The following MSH6 variants were observed in gnomAD, a reference collection of about 807,000 sequenced individuals.
MSH6 encodes the protein DNA mismatch repair protein Msh6.
MSH6 carries 85 observed loss-of-function variants against 119.1 expected under a neutral mutation model. The ratio of observed to expected loss-of-function variants is 0.71; its 90% CI spans 0.60 to 0.85. The LOEUF is 0.85. Among genes scored for constraint, MSH6 ranks in the 40% least tolerant of loss-of-function variants. MSH6 has a pLI of 0.00. For missense variants in MSH6, 2,163 were observed against 1,655.3 expected (o/e 1.31, Z -5.32); for synonymous variants, 830 against 586.9 (o/e 1.41, Z -5.99).
chr2:47,797,302 TAGATA>T (rs1669159767), intron 3 of MSH6, among the ~76,000 whole-genome samples: 1 of 152,308 alleles, frequency 6.6e-6, no homozygotes, highest in Non-Finnish European at 1.5e-5. Flanking sequence ...CCTTTTTCAA[TAGATA>T]AGATAGGGAA....
intron 3 of MSH6, among the ~76,000 whole-genome samples, chr2:47,797,151 T>C (rs1478408718): frequency 6.6e-6 from 1 of 152,190 alleles, no homozygotes; most frequent in Non-Finnish European, 1.5e-5. Context: ...TTAGCATTAG[T>C]GTATTTTATG....
rs750404946 is a variant in MSH6, at chr2:47,800,721, A to G, written c.2738A>G (p.Asp913Gly). 2 of 1,614,170 alleles carry G rather than the reference A, an allele frequency of 1.2e-6. No individual in the cohort carries two copies. Among genetic ancestry groups the G allele is most frequent in the Non-Finnish European group, 1.7e-6 (2 of 1,180,026 alleles). Residue 913 changes from aspartate to glycine, a missense_variant, in exon 4 of 10, where the codon GAT (aspartate) becomes GGT (glycine). Asp to Gly is a moderately conservative substitution (Grantham distance 94). Coordinates refer to ENST00000234420, the MANE Select transcript of MSH6 (RefSeq NM_000179.3). ...PDLTVELNRWDTAFDHEKARK... is the reference protein window; with the variant it reads ...PDLTVELNRWGTAFDHEKARK... ...TTGACTGTAGAATTGAACCGATGGG[A>G]TACAGCCTTTGACCATGAAAAGGCT...
chr2:47,807,489 T>G (rs1670301994), downstream of MSH6: 1 of 207,356 alleles, frequency 4.8e-6, no homozygotes, highest in Non-Finnish European at 9.9e-6. Flanking sequence ...AATTTAAGAT[T>G]AGTGTTTTCT....
rs61753793 is a variant in MSH6 at position 47,799,002 on chromosome 2, T to C, written c.1019T>C (p.Phe340Ser). The change falls in exon 4 of 10, where the codon TTC becomes TCC. Residue 340 changes from phenylalanine (F) to serine (S), a missense_variant. By Grantham distance (155) the Phe-to-Ser change is radical. Transcript: ENST00000234420. ...SSETKNTLRAFSAPQNSESQA... is the reference protein window; with the variant it reads ...SSETKNTLRASSAPQNSESQA... Reference sequence around the variant, plus strand: ...GAAACCAAGAATACTTTGAGAGCTTTCTCTGCCCCTCAAAATTCTGAATCC... The same window carrying C: ...GAAACCAAGAATACTTTGAGAGCTTCCTCTGCCCCTCAAAATTCTGAATCC... 147 of 1,614,104 alleles carry C rather than the reference T, an allele frequency of 9.1e-5. No homozygotes were observed. Among genetic ancestry groups the C allele is most frequent in the Non-Finnish European group, 1.1e-4 (135 of 1,180,046 alleles).
At chr2:47,791,457 G>C (rs1039458952) in intron 2 of MSH6, among the ~76,000 whole-genome samples, 3 of 152,088 alleles carry the variant, frequency 2.0e-5, no homozygotes, top group Admixed American at 6.6e-5. Flanking sequence ...CCTATAGATA[G>C]CGACATTCTC....
intron 5 of MSH6, among the ~76,000 whole-genome samples, chr2:47,804,550 AG>A (rs796853432): frequency 0.095 from 2,633 of 27,578 alleles, 40 homozygotes; most frequent in African/African-American, 0.34. Flanking sequence ...AAAAAAAAAA[AG>A]GTGCAGAGAT....
At chr2:47,803,362 C>G (rs1669724627) in intron 4 of MSH6, 58 bp from the exon 5 acceptor site, 1 of 1,610,796 alleles carries the variant, frequency 6.2e-7, no homozygotes, top group Non-Finnish European at 8.5e-7. Flanking sequence ...CTATAAAACA[C>G]TTAGGCTGAT....
chr2:47,806,964 ATTTTCTTTCTAGGAAAT>A, downstream of MSH6: 1 of 915,124 alleles, frequency 1.1e-6, no homozygotes, highest in Non-Finnish European at 1.7e-6. Context: ...CCATTTTTCC[ATTTTCTTTCTAGGAAAT>A]TAAACCCTTT....
chr2:47,803,342 T>C, intron 4 of MSH6, 78 bp from the exon 5 acceptor site: 7 of 1,576,194 alleles, frequency 4.4e-6, no homozygotes, highest in Non-Finnish European at 6.1e-6. Context: ...ATGTGTTATA[T>C]AAAGAAGACC....
chr2:47,808,094 G>C, downstream of MSH6: 1 of 1,585,990 alleles, frequency 6.3e-7, no homozygotes, highest in Non-Finnish European at 8.6e-7. Flanking sequence ...TACAATGGCA[G>C]GACTTTTTCT....
rs761622304 is a variant in MSH6 at position 47,800,715 on chromosome 2, G to T, written c.2732G>T (p.Arg911Leu). The T allele has an allele frequency of 6.2e-7, 1 of 1,614,144 alleles. No individual in the cohort carries two copies. Among genetic ancestry groups the T allele is most frequent in the South Asian group, 1.1e-5 (1 of 91,076 alleles). Residue 911 changes from arginine to leucine, a missense_variant, in exon 4 of 10, where the codon CGA (arginine) becomes CTA (leucine). Physicochemically the swap from Arg to Leu is moderately radical, Grantham distance 102. Coordinates refer to ENST00000234420, the MANE Select transcript of MSH6 (RefSeq NM_000179.3). ...CCTGATTTGACTGTAGAATTGAACC[G>T]ATGGGATACAGCCTTTGACCATGAA... Reference protein sequence around the residue: ...RFPDLTVELNRWDTAFDHEKA... With the variant: ...RFPDLTVELNLWDTAFDHEKA...
At chr2:47,784,195 G>A in intron 1 of MSH6, 1 of 1,005,282 alleles carries the variant, frequency 9.9e-7, no homozygotes, top group Non-Finnish European at 1.2e-6. Context: ...GGGCGGGGCG[G>A]GGCCGTGGGG....
chr2:47,794,293 A>G (rs1169350441), intron 2 of MSH6, among the ~76,000 whole-genome samples: 1 of 151,764 alleles, frequency 6.6e-6, no homozygotes, highest in East Asian at 2.0e-4. Flanking sequence ...TTTTTTTGAG[A>G]TGGAGACCCA....
chr2:47,804,290 T>A (rs183092415), intron 5 of MSH6, among the ~76,000 whole-genome samples: 234 of 152,242 alleles, frequency 1.5e-3, no homozygotes, highest in South Asian at 5.0e-3. Flanking sequence ...TTTAAAAAAA[T>A]TTTTTATGGC....
downstream of MSH6, chr2:47,808,254 C>G (rs1190466578): frequency 6.2e-7 from 1 of 1,612,588 alleles, no homozygotes. Flanking sequence ...AAACCTAAAG[C>G]AAAATGAAAC....
At position 47,796,091 on chromosome 2, in the gene MSH6, A is replaced by T. The variant is rs558111682; in HGVS notation, c.627+28A>T. On this transcript the variant is annotated intron_variant, in intron 3 of 9. Coordinates refer to ENST00000234420, the MANE Select transcript of MSH6 (RefSeq NM_000179.3). The stretch of plus-strand genomic sequence containing the variant: ...GGGACACGGCAAGCATTCAGTTGTT[A>T]TTTATGTTAGGGTGATGGGGGAAGA... 1.1e-5 allele frequency: 18 copies of T among 1,612,768 alleles called. No homozygotes were observed. In the Admixed American group the frequency reaches 1.3e-4, roughly 12 times the overall value.
intron 5 of MSH6, among the ~76,000 whole-genome samples, chr2:47,804,300 C>T (rs1242725769): frequency 6.6e-6 from 1 of 152,058 alleles, no homozygotes; most frequent in Non-Finnish European, 1.5e-5. Context: ...TTTTTTATGG[C>T]ATTGTATTTA....
chr2:47,806,660 C>G lies in MSH6; in HGVS notation c.4001+9C>G, dbSNP rs1467103778. 6.2e-7 allele frequency: 1 copy of G among 1,603,570 alleles called. No homozygotes were observed. The highest frequency in any genetic ancestry group is 8.5e-7 in the Non-Finnish European group (1 of 1,175,706). On this transcript the variant is annotated intron_variant, in intron 9 of 9. Coordinates refer to ENST00000234420, the MANE Select transcript of MSH6 (RefSeq NM_000179.3). ...TCACTACGATTATTTCGGTAACTAACTAACTATAATGGAATTATAACTAAC... is the reference window on the plus strand; with the variant it reads ...TCACTACGATTATTTCGGTAACTAAGTAACTATAATGGAATTATAACTAAC...
chr2:47,809,578 G>C, downstream of MSH6: 2 of 1,507,906 alleles, frequency 1.3e-6, no homozygotes, highest in South Asian at 1.1e-5. Context: ...TATATTTATA[G>C]GTATAGCAGA....
Sources: gnomAD v4.1 joint callset for allele counts (sites outside exome capture counted in the v4.1 genomes callset) on GRCh38, gnomAD v4.1.1 for gene constraint, MANE v1.5 for transcripts, NCBI Gene and HGNC (gene_info 2026-07-23, HGNC 2026-07-21) for gene names.